Variants in FRMD4A observed in about 807,000 individuals in gnomAD.
FRMD4A encodes FERM domain containing 4A, also known as FERM domain-containing protein 4A.
In FRMD4A, 29 loss-of-function variants were observed where a neutral mutation model predicts 129.1. That is an observed-to-expected ratio of 0.22 (90% CI 0.17 to 0.31). FRMD4A has a LOEUF of 0.31. Ranked by LOEUF, FRMD4A falls within the 10% of genes least tolerant of loss-of-function variation. FRMD4A has a pLI of 1.00. For synonymous variants in FRMD4A, 634 were observed against 571.6 expected (o/e 1.11, Z -1.56); for missense variants, 1,272 against 1,375.8 (o/e 0.92, Z 1.19).
chr10:13,861,838 T>C (rs527718178), intron 2 of FRMD4A, among the ~76,000 whole-genome samples: 8 of 152,318 alleles, frequency 5.3e-5, no homozygotes, highest in Admixed American at 2.0e-4. Context: ...CTAAGTTCAA[T>C]GAAAGCCATT....
At chr10:14,057,571 ATCTTTT>A (rs10536653) in intron 2 of FRMD4A, among the ~76,000 whole-genome samples, 69,932 of 140,412 alleles carry the variant, frequency 0.5, 16,833 homozygotes, top group Middle Eastern at 0.58. Flanking sequence ...TGAATTTATA[ATCTTTT>A]TTTTTTTTTC....
intron 2 of FRMD4A, among the ~76,000 whole-genome samples, chr10:14,183,272 T>C (rs955730393): frequency 4.6e-5 from 7 of 152,364 alleles, no homozygotes; most frequent in African/African-American, 1.7e-4. Context: ...TCACTTTATA[T>C]CATTAGTGGT....
At chr10:13,907,744 G>C (rs1277630501) in intron 2 of FRMD4A, among the ~76,000 whole-genome samples, 1 of 152,080 alleles carries the variant, frequency 6.6e-6, no homozygotes, top group African/African-American at 2.4e-5. Flanking sequence ...GCCAGGATCA[G>C]TGGAAAGTTG....
chr10:14,183,117 C>T (rs1360114038), intron 2 of FRMD4A, among the ~76,000 whole-genome samples: 2 of 152,206 alleles, frequency 1.3e-5, no homozygotes, highest in African/African-American at 4.8e-5. Context: ...AAAACAAGAA[C>T]ACTGAAGTTT....
Position 14,309,472 on chromosome 10 carries a change from A to AAAC in FRMD4A, c.45+20583_45+20585dup, listed in dbSNP as rs919590081. 4.6e-5 allele frequency among the ~76,000 whole-genome samples: 7 copies of AAAC among 152,192 alleles called. No homozygotes were observed. The East Asian group carries it at 9.7e-4, about 21-fold the overall frequency. On this transcript the variant is annotated intron_variant, in intron 2 of 24. Transcript: ENST00000357447. ...CACAAAAACAAAAACAAAACAAAAC[A>AAAC]AACAACAACAACAACAAAACCGTAT... is the stretch of plus-strand genomic sequence containing the variant.
At chr10:13,948,616 TGAG>T (rs1222044817) in intron 2 of FRMD4A, among the ~76,000 whole-genome samples, 8 of 149,944 alleles carry the variant, frequency 5.3e-5, no homozygotes, top group African/African-American at 1.5e-4. Context: ...GTGGTGGGGA[TGAG>T]GAGAATTGAT....
intron 2 of FRMD4A, among the ~76,000 whole-genome samples, chr10:14,215,684 T>C (rs1238148489): frequency 6.6e-6 from 1 of 152,116 alleles, no homozygotes; most frequent in South Asian, 2.1e-4. Context: ...AAGCTTTTCT[T>C]AGAGGTTCTA....
intron 2 of FRMD4A, among the ~76,000 whole-genome samples, chr10:14,077,576 G>C (rs1389345873): frequency 6.6e-6 from 1 of 152,134 alleles, no homozygotes; most frequent in Non-Finnish European, 1.5e-5. Context: ...TTCCATTTGA[G>C]TGGTGAGCGT....
chr10:13,782,144 T>G (rs2092752876), intron 6 of FRMD4A, among the ~76,000 whole-genome samples: 1 of 129,320 alleles, frequency 7.7e-6, no homozygotes, highest in Non-Finnish European at 1.7e-5. Flanking sequence ...TTTACAATTT[T>G]TTTTAAAAAA....
At chr10:14,157,210 G>A (rs1840645229) in intron 2 of FRMD4A, among the ~76,000 whole-genome samples, 3 of 152,180 alleles carry the variant, frequency 2.0e-5, no homozygotes. Context: ...GTTGCCCTAA[G>A]GCTGTGGGAC....
chr10:14,171,006 C>T (rs560052703), intron 2 of FRMD4A, among the ~76,000 whole-genome samples: 23 of 61,576 alleles, frequency 3.7e-4, no homozygotes, highest in South Asian at 1.7e-3. Flanking sequence ...ACGCTGAATA[C>T]GAGGGGAGTT....
At chr10:13,708,892 G>A (rs142610810) in intron 12 of FRMD4A, among the ~76,000 whole-genome samples, 2 of 152,342 alleles carry the variant, frequency 1.3e-5, no homozygotes, top group Non-Finnish European at 2.9e-5. Flanking sequence ...ATAGCCTGGG[G>A]GCAGTACACT....
intron 2 of FRMD4A, among the ~76,000 whole-genome samples, chr10:14,257,228 G>A (rs1844647795): frequency 6.6e-6 from 1 of 152,144 alleles, no homozygotes; most frequent in African/African-American, 2.4e-5. Context: ...CTAACCAGGA[G>A]GCTGAGGCAC....
intron 2 of FRMD4A, among the ~76,000 whole-genome samples, chr10:14,107,201 G>T (rs1164261189): frequency 6.6e-6 from 1 of 152,180 alleles, no homozygotes; most frequent in East Asian, 1.9e-4. Context: ...GACTACCAGA[G>T]AGGGGAGAGA....
chr10:14,027,367 A>G (rs1833032310), intron 2 of FRMD4A, among the ~76,000 whole-genome samples: 1 of 152,200 alleles, frequency 6.6e-6, no homozygotes, highest in Non-Finnish European at 1.5e-5. Context: ...GCGGCCGGGC[A>G]TGGTGGCTCA....
In FRMD4A at chr10:13,709,942, C is replaced by T. The variant is rs192624069; in HGVS notation, c.760-2829G>A. ...ACAGGCGGTATTTGGTTAATTAGTT[C>T]CTTAGTGGTGATTTATGAGATTTTG... On this transcript the variant is annotated intron_variant, in intron 12 of 24. Transcript: ENST00000357447. Among the ~76,000 whole-genome samples the T allele has an allele frequency of 1.7e-3, 256 of 151,346 alleles. 1 individual carries two copies. Among genetic ancestry groups the T allele is most frequent in the African/African-American group, 6.0e-3 (248 of 41,206 alleles).
intron 2 of FRMD4A, among the ~76,000 whole-genome samples, chr10:13,990,081 T>A (rs1214289286): frequency 1.3e-5 from 2 of 152,186 alleles, no homozygotes; most frequent in East Asian, 3.9e-4. Context: ...CACTGCTGGC[T>A]GCGTAACCCT....
chr10:13,733,348 G>A (rs2135027991), intron 12 of FRMD4A, among the ~76,000 whole-genome samples: 1 of 152,348 alleles, frequency 6.6e-6, no homozygotes, highest in South Asian at 2.1e-4. Flanking sequence ...TTGCCTTTAA[G>A]TTCCATCTGA....
At chr10:14,127,998 C>T (rs371121567) in intron 2 of FRMD4A, among the ~76,000 whole-genome samples, 19,933 of 98,508 alleles carry the variant, frequency 0.2, 3,345 homozygotes, top group Admixed American at 0.22. Flanking sequence ...CTCTCTCTCT[C>T]TCTTTCTTTC....
Sources: allele counts gnomAD v4.1 joint callset (sites outside exome capture counted in the v4.1 genomes callset), GRCh38; gene constraint gnomAD v4.1.1; transcripts MANE v1.5; gene names NCBI Gene and HGNC (gene_info 2026-07-23, HGNC 2026-07-21).